POLR2B: variants seen among roughly 807,000 people sequenced by gnomAD.
The protein encoded by POLR2B is RNA polymerase II subunit B, also known as DNA-directed RNA polymerase II subunit RPB2.
POLR2B carries 57 observed loss-of-function variants against 144.6 expected under a neutral mutation model. The observed-to-expected ratio is 0.39, with a 90% CI of 0.32 to 0.49. The LOEUF is 0.49. Ranked by LOEUF, POLR2B falls within the 20% of genes least tolerant of loss-of-function variation. POLR2B has a pLI of 0.83. For missense variants in POLR2B, 595 were observed against 1,467.4 expected (o/e 0.41, Z 9.71); for synonymous variants, 442 against 469.8 (o/e 0.94, Z 0.77).
intron 16 of POLR2B, among the ~76,000 whole-genome samples, chr4:57,019,034 A>AT (rs1325797286): frequency 6.6e-6 from 1 of 152,184 alleles, no homozygotes; most frequent in Non-Finnish European, 1.5e-5. Context: ...TCTTTAGTGT[A>AT]TTGTAATGGG....
At chr4:56,996,205 C>CGTGTGT (rs1325314185) in intron 6 of POLR2B, among the ~76,000 whole-genome samples, 2,901 of 41,070 alleles carry the variant, frequency 0.071, 55 homozygotes, top group Non-Finnish European at 0.092. Context: ...TATTTCAGTT[C>CGTGTGT]ATGTGTGTGT....
chr4:57,021,054 C>CA, intron 17 of POLR2B, 59 bp downstream of exon 17: 3 of 929,724 alleles, frequency 3.2e-6, no homozygotes, highest in Non-Finnish European at 5.3e-6. Flanking sequence ...ATTTTTTATG[C>CA]AAAAAAAGTT....
intron 3 of POLR2B, 124 bp downstream of exon 3, chr4:56,991,022 A>T: frequency 1.7e-6 from 1 of 606,052 alleles, no homozygotes. Context: ...TACTTACAGC[A>T]CCGTCAATCA....
At chr4:56,991,175 A>G (rs1325213803) in intron 3 of POLR2B, among the ~76,000 whole-genome samples, 1 of 152,202 alleles carries the variant, frequency 6.6e-6, no homozygotes, top group Admixed American at 6.5e-5. Context: ...AGATGGTCAC[A>G]TTGCTTTAGA....
At chr4:57,027,934 A>G (rs1375638608) in intron 23 of POLR2B, among the ~76,000 whole-genome samples, 5 of 152,252 alleles carry the variant, frequency 3.3e-5, no homozygotes, top group Non-Finnish European at 1.5e-5. Context: ...TATCAAGCCC[A>G]TAGTGGTGCA....
chr4:56,987,138 CT>C (rs973223900), intron 2 of POLR2B, among the ~76,000 whole-genome samples: 7 of 152,106 alleles, frequency 4.6e-5, no homozygotes, highest in Admixed American at 1.3e-4. Context: ...CAGATGATTA[CT>C]TTTGGCAGAA....
At chr4:57,018,993 G>A (rs1427001209) in intron 16 of POLR2B, among the ~76,000 whole-genome samples, 2 of 152,126 alleles carry the variant, frequency 1.3e-5, no homozygotes, top group Non-Finnish European at 2.9e-5. Context: ...TTTGAATGTG[G>A]GTAACATTTG....
chr4:56,986,439 C>A lies in POLR2B; in HGVS notation c.92+13C>A. On this transcript the variant is annotated intron_variant, in intron 2 of 24. Coordinates refer to ENST00000314595, the MANE Select transcript of POLR2B (RefSeq NM_000938.3). The stretch of plus-strand genomic sequence containing the variant: ...GGATTGTAATCAGGTAACTTTGGAC[C>A]AAACTGAATTAGCCTGAAAAGGCAC... The A allele has an allele frequency of 6.3e-7, 1 of 1,574,924 alleles. No homozygotes were observed. The highest frequency in any genetic ancestry group is 8.7e-7 in the Non-Finnish European group (1 of 1,144,974).
intron 23 of POLR2B, among the ~76,000 whole-genome samples, chr4:57,027,310 A>T (rs1207555495): frequency 6.6e-6 from 1 of 150,896 alleles, no homozygotes; most frequent in South Asian, 2.1e-4. Context: ...CGCCCAGCCC[A>T]CCCCTTCCCT....
chr4:57,020,894 T>C lies in POLR2B; in HGVS notation c.2324-5T>C, dbSNP rs375840156. On this transcript the variant is annotated splice_polypyrimidine_tract_variant and splice_region_variant and intron_variant, in intron 16 of 24. Coordinates refer to ENST00000314595, the MANE Select transcript of POLR2B (RefSeq NM_000938.3). ...TTTTAATGTATGCTCTTAAATTCACTGCAGGCATCAACTCAATTGTGGCCA... is the reference window on the plus strand; with the variant it reads ...TTTTAATGTATGCTCTTAAATTCACCGCAGGCATCAACTCAATTGTGGCCA... 2.3e-5 allele frequency: 34 copies of C among 1,499,616 alleles called. No homozygotes were observed. The highest frequency in any genetic ancestry group is 3.1e-5 in the Non-Finnish European group (33 of 1,075,544). The allele number at this position is 1,499,616 out of a possible 1,614,324, so 92.9% of individuals were successfully genotyped here. A position where few individuals can be genotyped will look rare whatever the true frequency, so the allele number is the denominator to read the frequency against.
chr4:56,979,264 G>A (rs192967206), intron 1 of POLR2B, among the ~76,000 whole-genome samples: 1 of 152,272 alleles, frequency 6.6e-6, no homozygotes, highest in African/African-American at 2.4e-5. Flanking sequence ...CTCGTTTCCT[G>A]TGGTGAAGTA....
chr4:56,992,640 G>GT (rs1722556225), intron 3 of POLR2B, among the ~76,000 whole-genome samples: 1 of 147,830 alleles, frequency 6.8e-6, no homozygotes, highest in Non-Finnish European at 1.5e-5. Context: ...GCTCACTGCA[G>GT]GCTCCGCCTT....
rs982706374 is a variant in POLR2B at position 57,011,252 on chromosome 4, G to A, written c.1800+152G>A. ...TTTAATTATAAGTTATTGCTAGGCC[G>A]GGTGCAGTGGCTCATGCCTGTAATC... On this transcript the variant is annotated intron_variant, in intron 13 of 24. Transcript: ENST00000314595. 4.3e-5 allele frequency: 27 copies of A among 631,778 alleles called. No homozygotes were observed. The highest frequency in any genetic ancestry group is 7.2e-5 in the Non-Finnish European group (26 of 360,310). 39.1% of individuals were successfully genotyped at this position (631,778 alleles called of 1,614,324 possible).
rs1246140808 is a variant in POLR2B at position 56,995,330 on chromosome 4, G to A, written c.656G>A (p.Gly219Glu). The change falls in exon 6 of 25, where the codon GGA (glycine) becomes GAA (glutamate). Residue 219 changes from glycine (G) to glutamate (E), a missense_variant. Transcript: ENST00000314595. ...AAGGATTCTAAATATGCCTACACAG[G>A]AGAGTGTAGATCATGTCTTGAGAAT... is the stretch of plus-strand genomic sequence containing the variant. ...AKKDSKYAYT[G>E]ECRSCLENSS... The A allele has an allele frequency of 1.2e-6, 2 of 1,606,926 alleles. No homozygotes were observed. Among genetic ancestry groups the A allele is most frequent in the African/African-American group, 2.7e-5 (2 of 74,902 alleles).
intron 5 of POLR2B, 77 bp downstream of exon 5, chr4:56,994,943 AAAAGAAAG>A (rs1323059804): frequency 2.3e-6 from 2 of 871,354 alleles, no homozygotes; most frequent in Non-Finnish European, 3.5e-6. Context: ...AAAAAAAAAA[AAAAGAAAG>A]AAAGATTTTC....
intron 6 of POLR2B, among the ~76,000 whole-genome samples, chr4:56,996,278 A>ATATTTTT (rs1488404814): frequency 8.4e-5 from 5 of 59,742 alleles, no homozygotes; most frequent in South Asian, 8.1e-4. Flanking sequence ...ATATATATAT[A>ATATTTTT]TTTTTTTTTT....
chr4:57,016,307 G>A (rs1025816325), intron 14 of POLR2B, among the ~76,000 whole-genome samples: 4 of 151,984 alleles, frequency 2.6e-5, no homozygotes, highest in Admixed American at 6.6e-5. Flanking sequence ...AGCACTTTGG[G>A]AGGTCAAGGT....
chr4:56,992,129 T>C (rs1443713592), intron 3 of POLR2B, among the ~76,000 whole-genome samples: 1 of 152,088 alleles, frequency 6.6e-6, no homozygotes, highest in Non-Finnish European at 1.5e-5. Context: ...TATGAAGAAC[T>C]CTCTTAGAAG....
chr4:57,007,951 T>C (rs1377679273), intron 10 of POLR2B, among the ~76,000 whole-genome samples: 1 of 152,224 alleles, frequency 6.6e-6, no homozygotes, highest in African/African-American at 2.4e-5. Flanking sequence ...CCTAGAAATC[T>C]GGATGCTGTA....
Sources: allele counts gnomAD v4.1 joint callset (sites outside exome capture counted in the v4.1 genomes callset), GRCh38; gene constraint gnomAD v4.1.1; transcripts MANE v1.5; gene names NCBI Gene and HGNC (gene_info 2026-07-23, HGNC 2026-07-21).